The following CEP63 variants were observed in gnomAD, a reference collection of about 807,000 sequenced individuals.
The protein encoded by CEP63 is centrosomal protein of 63 kDa.
A neutral mutation model predicts 89.1 loss-of-function variants in CEP63; 84 were observed. The observed-to-expected ratio is 0.94, with a 90% confidence interval of 0.79 to 1.13. The LOEUF (loss-of-function observed/expected upper bound fraction) is 1.13, where lower values mean the gene tolerates loss of function less well. CEP63 is among the 50% of genes most tolerant of loss of function. The probability of loss-of-function intolerance (pLI) is 0.00; values close to 1 mark genes in which losing one functional copy is unlikely to be tolerated. For missense variants in CEP63, 838 were observed against 813.3 expected, an observed-to-expected ratio of 1.03 and a Z score of -0.37; for synonymous variants, 267 against 272.5, an observed-to-expected ratio of 0.98 and a Z score of 0.20.
At chr3:134,629,713 A>G in the CEP63 span, 3 of 1,550,016 alleles carry the variant, frequency 1.9e-6, no homozygotes, top group Non-Finnish European at 2.6e-6. Flanking sequence ...GGAAAAGGAG[A>G]TGACATTCTC....
the CEP63 span, among the ~76,000 whole-genome samples, chr3:134,658,786 T>G: frequency 2.0e-5 from 3 of 152,190 alleles, no homozygotes; most frequent in Non-Finnish European, 4.4e-5. Context: ...TGGGGAGAGC[T>G]TGGTTCTGAG....
chr3:134,732,557 A>T, the CEP63 span, among the ~76,000 whole-genome samples: 123 of 152,206 alleles, frequency 8.1e-4, no homozygotes, highest in South Asian at 3.3e-3. Context: ...TTTGAATGAA[A>T]TTTTTTTTAA....
Position 134,559,291 on chromosome 3 carries a change from T to A in CEP63, c.1815T>A (p.Pro605=). ...VLSPLSPQIS[P]CSSTRSLTSY... ...GCCCCCTGAGTCCTCAAATCAGCCCTTGCAGCTCCACCAGGTCTTTGACTT... is the reference window on the plus strand; with the variant it reads ...GCCCCCTGAGTCCTCAAATCAGCCCATGCAGCTCCACCAGGTCTTTGACTT... Residue 605 remains proline, a synonymous_variant, in exon 14 of 15, where the codon CCT becomes CCA. Coordinates refer to ENST00000675561, the MANE Select transcript of CEP63 (RefSeq NM_001353108.3). The A allele has an allele frequency of 6.2e-7, 1 of 1,614,156 alleles. No individual in the cohort carries two copies. The highest frequency in any genetic ancestry group is 1.3e-5 in the African/African-American group (1 of 75,046).
chr3:134,608,392 C>G, the CEP63 span: 1 of 1,439,986 alleles, frequency 6.9e-7, no homozygotes, highest in African/African-American at 1.4e-5. Context: ...TCAGACACAT[C>G]CCTTTCTGGG....
At chr3:134,607,101 C>T in the CEP63 span, 5 of 985,314 alleles carry the variant, frequency 5.1e-6, no homozygotes, top group African/African-American at 7.0e-5. Flanking sequence ...CACTCAATGA[C>T]ATCAGTTTGG....
In CEP63 at chr3:134,549,199, T is replaced by C. The variant is rs908634268; in HGVS notation, c.1182+23T>C. ...AAGGTAAAAATCTGCATACCTAGGA[T>C]TGCAAAATTGTATGTGTTTATGGAC... On this transcript the variant is annotated intron_variant, in intron 10 of 14. Coordinates refer to ENST00000675561, the MANE Select transcript of CEP63 (RefSeq NM_001353108.3). The C allele has an allele frequency of 1.1e-5, 15 of 1,375,774 alleles. No homozygotes were observed. In the Admixed American group the frequency reaches 1.5e-4, roughly 14 times the overall value. The allele number at this position is 1,375,774 out of a possible 1,614,324, so 85.2% of individuals were successfully genotyped here. A position where few individuals can be genotyped will look rare whatever the true frequency, so the allele number is the denominator to read the frequency against.
the CEP63 span, among the ~76,000 whole-genome samples, chr3:134,771,107 C>T: frequency 6.6e-6 from 1 of 152,178 alleles, no homozygotes; most frequent in South Asian, 2.1e-4. Flanking sequence ...GAGATCTTCC[C>T]TCACTGGAAT....
chr3:134,567,729 G>A (rs1294561774), downstream of CEP63, among the ~76,000 whole-genome samples: 2 of 152,206 alleles, frequency 1.3e-5, no homozygotes, highest in Non-Finnish European at 2.9e-5. Flanking sequence ...AGGGGTTCCT[G>A]CTCTTCCGGG....
At chr3:134,623,278 T>TC in the CEP63 span, among the ~76,000 whole-genome samples, 1 of 152,082 alleles carries the variant, frequency 6.6e-6, no homozygotes. Flanking sequence ...GCCTGACCCA[T>TC]CCCTTCCGAT....
chr3:134,771,986 G>A, the CEP63 span, among the ~76,000 whole-genome samples: 1 of 152,094 alleles, frequency 6.6e-6, no homozygotes, highest in Non-Finnish European at 1.5e-5. Context: ...CTGTATCCCC[G>A]GCTTGGGGTA....
At chr3:134,603,939 C>A in the CEP63 span, 1 of 1,613,990 alleles carries the variant, frequency 6.2e-7, no homozygotes, top group Non-Finnish European at 8.5e-7. Context: ...CTGGTTCCTG[C>A]CTCTTCTTGA....
the CEP63 span, among the ~76,000 whole-genome samples, chr3:134,732,415 A>G: frequency 6.6e-6 from 1 of 152,184 alleles, no homozygotes; most frequent in Non-Finnish European, 1.5e-5. Flanking sequence ...TTCAAAAACT[A>G]AAAACAGAAA....
chr3:134,559,879 G>A (rs573452549), intron 14 of CEP63, among the ~76,000 whole-genome samples: 2 of 152,218 alleles, frequency 1.3e-5, no homozygotes, highest in Non-Finnish European at 2.9e-5. Flanking sequence ...CACAGATGGT[G>A]GCCCTCAGGG....
the CEP63 span, among the ~76,000 whole-genome samples, chr3:134,706,289 T>G: frequency 1.3e-5 from 2 of 152,212 alleles, no homozygotes; most frequent in Non-Finnish European, 2.9e-5. Flanking sequence ...TTGGTCGATC[T>G]GTAGGCTTAA....
intron 3 of CEP63, among the ~76,000 whole-genome samples, chr3:134,528,215 CTG>C (rs1412624277): frequency 9.2e-5 from 14 of 152,156 alleles, no homozygotes; most frequent in Admixed American, 9.2e-4. Context: ...AGCCCAGCTT[CTG>C]TGTCTTCCCT....
At chr3:134,584,860 G>GTTAT (rs1262365741) in intron 10 of CEP63, among the ~76,000 whole-genome samples, 1 of 151,610 alleles carries the variant, frequency 6.6e-6, no homozygotes, top group African/African-American at 2.4e-5. Context: ...TCCAGAGCCT[G>GTTAT]TTATTGGTCT....
chr3:134,691,322 C>A, the CEP63 span, among the ~76,000 whole-genome samples: 1 of 147,662 alleles, frequency 6.8e-6, no homozygotes, highest in African/African-American at 2.6e-5. Context: ...CGTGCCATTG[C>A]ACTCTAGCCT....
chr3:134,682,878 G>A, the CEP63 span, among the ~76,000 whole-genome samples: 1 of 152,210 alleles, frequency 6.6e-6, no homozygotes, highest in Non-Finnish European at 1.5e-5. Context: ...ATGGGAGAAT[G>A]GATGGGAACT....
At chr3:134,686,173 C>A in the CEP63 span, among the ~76,000 whole-genome samples, 1 of 152,162 alleles carries the variant, frequency 6.6e-6, no homozygotes, top group African/African-American at 2.4e-5. Flanking sequence ...ATGGTGGTGG[C>A]GGCTGCTGCT....
Sources: allele counts gnomAD v4.1 joint callset (sites outside exome capture counted in the v4.1 genomes callset), GRCh38; gene constraint gnomAD v4.1.1; transcripts MANE v1.5; gene names NCBI Gene and HGNC (gene_info 2026-07-23, HGNC 2026-07-21).